Variants in SH3BGRL2 observed in about 807,000 individuals in gnomAD.
The protein encoded by SH3BGRL2 is SH3 domain binding glutamate rich protein like 2, also known as SH3 domain-binding glutamic acid-rich-like protein 2.
A neutral mutation model predicts 14.8 loss-of-function variants in SH3BGRL2; 21 were observed. The observed-to-expected ratio is 1.42, with a 90% CI of 1.01 to 2.05. The LOEUF is 2.05. Ranked by LOEUF, SH3BGRL2 falls within the 30% of genes most tolerant of loss-of-function variation. The pLI is 0.00. For missense variants in SH3BGRL2, 147 were observed against 130.8 expected, an observed-to-expected ratio of 1.12 and a Z score of -0.61; for synonymous variants, 50 against 47.8, an observed-to-expected ratio of 1.05 and a Z score of -0.19.
intron 1 of SH3BGRL2, among the ~76,000 whole-genome samples, chr6:79,636,755 A>C (rs768315566): frequency 6.6e-6 from 1 of 152,042 alleles, no homozygotes; most frequent in African/African-American, 2.4e-5. Context: ...CTTGGCTTGT[A>C]GATGTATCAC....
intron 1 of SH3BGRL2, among the ~76,000 whole-genome samples, chr6:79,631,908 C>T (rs1418863700): frequency 6.6e-6 from 1 of 152,198 alleles, no homozygotes; most frequent in Non-Finnish European, 1.5e-5. Flanking sequence ...GCCTTTTCTG[C>T]TGCTTTGGTT....
At chr6:79,682,622 T>TG (rs925129427) in intron 2 of SH3BGRL2, among the ~76,000 whole-genome samples, 6 of 152,174 alleles carry the variant, frequency 3.9e-5, no homozygotes, top group Non-Finnish European at 8.8e-5. Context: ...TCTCAGTACC[T>TG]GGGGGGGCCC....
chr6:79,586,227 A>T, the SH3BGRL2 span, among the ~76,000 whole-genome samples: 1 of 102,552 alleles, frequency 9.8e-6, no homozygotes, highest in East Asian at 3.6e-4. Context: ...AGATTTATGT[A>T]TGGACTTCTT....
At chr6:79,547,157 T>C in the SH3BGRL2 span, among the ~76,000 whole-genome samples, 1 of 152,108 alleles carries the variant, frequency 6.6e-6, no homozygotes, top group Admixed American at 6.6e-5. Context: ...AAAGACATAG[T>C]ATGCCTGAGA....
chr6:79,662,135 G>A (rs923679360), intron 1 of SH3BGRL2, among the ~76,000 whole-genome samples: 1 of 152,034 alleles, frequency 6.6e-6, no homozygotes, highest in African/African-American at 2.4e-5. Flanking sequence ...GGTGCATTTA[G>A]CCCATTTACA....
At chr6:79,565,960 T>A in the SH3BGRL2 span, among the ~76,000 whole-genome samples, 1 of 152,228 alleles carries the variant, frequency 6.6e-6, no homozygotes, top group East Asian at 1.9e-4. Context: ...CTACATTTCT[T>A]TCCAGATGCA....
intron 1 of SH3BGRL2, among the ~76,000 whole-genome samples, chr6:79,635,702 A>G (rs1482234470): frequency 1.3e-5 from 2 of 152,366 alleles, no homozygotes; most frequent in Admixed American, 1.3e-4. Context: ...GAGAGCAACC[A>G]TCACTGGGAG....
chr6:79,581,074 C>T, the SH3BGRL2 span, among the ~76,000 whole-genome samples: 1 of 152,062 alleles, frequency 6.6e-6, no homozygotes, highest in Non-Finnish European at 1.5e-5. Flanking sequence ...ATACACCCTC[C>T]CAAGAATAAC....
intron 2 of SH3BGRL2, among the ~76,000 whole-genome samples, chr6:79,695,234 T>C (rs1467491406): frequency 6.6e-6 from 1 of 152,168 alleles, no homozygotes; most frequent in African/African-American, 2.4e-5. Context: ...TGCTCCTTCT[T>C]GGCTTGGTCA....
At chr6:79,581,070 C>T in the SH3BGRL2 span, among the ~76,000 whole-genome samples, 1 of 151,990 alleles carries the variant, frequency 6.6e-6, no homozygotes, top group African/African-American at 2.4e-5. Flanking sequence ...ACACATACAC[C>T]CTCCCAAGAA....
the SH3BGRL2 span, among the ~76,000 whole-genome samples, chr6:79,590,545 AT>A: frequency 6.3e-3 from 947 of 150,124 alleles, 11 homozygotes; most frequent in African/African-American, 0.022. Flanking sequence ...GGAGGCCATT[AT>A]CCTAAGTAAA....
chr6:79,619,918 GGTTTTAA>G, the SH3BGRL2 span, among the ~76,000 whole-genome samples: 1 of 152,168 alleles, frequency 6.6e-6, no homozygotes, highest in Non-Finnish European at 1.5e-5. Context: ...CACACCATTT[GGTTTTAA>G]TGGGAAGCAA....
the SH3BGRL2 span, among the ~76,000 whole-genome samples, chr6:79,538,370 C>A: frequency 6.6e-6 from 1 of 152,124 alleles, no homozygotes; most frequent in African/African-American, 2.4e-5. Flanking sequence ...CTCGTTTTTC[C>A]ACCTTTGCAC....
At chr6:79,598,090 C>G in the SH3BGRL2 span, among the ~76,000 whole-genome samples, 1 of 152,108 alleles carries the variant, frequency 6.6e-6, no homozygotes, top group Non-Finnish European at 1.5e-5. Flanking sequence ...AATCAAAAGA[C>G]AGATAAATTG....
intron 1 of SH3BGRL2, among the ~76,000 whole-genome samples, chr6:79,672,438 T>G (rs1445463171): frequency 6.6e-6 from 1 of 152,188 alleles, no homozygotes; most frequent in East Asian, 1.9e-4. Context: ...TAAAGTGGGC[T>G]TAGTCTACAT....
At chr6:79,663,595 T>C (rs774417059) in intron 1 of SH3BGRL2, among the ~76,000 whole-genome samples, 3 of 151,994 alleles carry the variant, frequency 2.0e-5, no homozygotes, top group South Asian at 2.1e-4. Flanking sequence ...TACTGGGAGG[T>C]GTCTCCCAGT....
chr6:79,561,844 A>G, the SH3BGRL2 span, among the ~76,000 whole-genome samples: 13 of 152,212 alleles, frequency 8.5e-5, no homozygotes, highest in African/African-American at 2.7e-4. Context: ...CTGTCTAGAC[A>G]ATGTAAACTA....
rs1554202291 is a variant in SH3BGRL2 at position 79,649,985 on chromosome 6, TCACA to T, written c.45+18508_45+18511del. 5.9e-4 allele frequency among the ~76,000 whole-genome samples: 84 copies of T among 142,062 alleles called. 1 individual carries two copies. The highest frequency in any genetic ancestry group is 8.7e-4 in the Non-Finnish European group (57 of 65,610). The allele number at this position is 142,062 out of a possible 152,430, so 93.2% of individuals were successfully genotyped here. ...CTTATGTACTCTCTCTCTCTCTCTC[TCACA>T]CACACACACACACACACACACACAC... On this transcript the variant is annotated intron_variant, in intron 1 of 3. Transcript: ENST00000369838.
chr6:79,634,292 T>C (rs889874179), intron 1 of SH3BGRL2, among the ~76,000 whole-genome samples: 1 of 152,182 alleles, frequency 6.6e-6, no homozygotes, highest in Admixed American at 6.5e-5. Context: ...AAGTCAGTTT[T>C]TACTAGGAAA....
Sources: gnomAD v4.1 joint callset for allele counts (sites outside exome capture counted in the v4.1 genomes callset) on GRCh38, gnomAD v4.1.1 for gene constraint, MANE v1.5 for transcripts, NCBI Gene and HGNC (gene_info 2026-07-23, HGNC 2026-07-21) for gene names.